Variants in PCSK6 observed in about 807,000 individuals in gnomAD.
The protein encoded by PCSK6 is proprotein convertase subtilisin/kexin type 6.
PCSK6 carries 85 observed loss-of-function variants against 123.3 expected under a neutral mutation model. That is an observed-to-expected ratio of 0.69 (90% CI 0.58 to 0.83). The LOEUF is 0.83. PCSK6 is among the 40% of genes least tolerant of loss of function. The pLI is 0.00. For synonymous variants in PCSK6, 508 were observed against 516.0 expected (o/e 0.98, Z 0.21); for missense variants, 1,191 against 1,282.3 (o/e 0.93, Z 1.09).
chr15:101,482,357 G>A (rs2057909604), intron 1 of PCSK6, among the ~76,000 whole-genome samples: 1 of 152,194 alleles, frequency 6.6e-6, no homozygotes, highest in African/African-American at 2.4e-5. Context: ...TCTGGTCGGT[G>A]GCAAGGCCAA....
intron 13 of PCSK6, among the ~76,000 whole-genome samples, chr15:101,338,028 G>A (rs1050762116): frequency 2.0e-5 from 3 of 152,140 alleles, no homozygotes; most frequent in Admixed American, 1.3e-4. Flanking sequence ...GATACAACAC[G>A]TTAATGTCTT....
intron 6 of PCSK6, among the ~76,000 whole-genome samples, chr15:101,426,384 G>A (rs958329303): frequency 6.6e-6 from 1 of 152,304 alleles, no homozygotes; most frequent in Non-Finnish European, 1.5e-5. Context: ...CTGGCACCCA[G>A]GTTGGCCCGA....
At chr15:101,313,204 G>A (rs1029974274) in intron 20 of PCSK6, 172 bp downstream of exon 20, 8 of 1,530,432 alleles carry the variant, frequency 5.2e-6, no homozygotes, top group Non-Finnish European at 6.2e-6. Context: ...TATGCATCCA[G>A]TGAACAAAGG....
At chr15:101,346,354 A>T (rs1341388457) in intron 13 of PCSK6, 1 of 152,500 alleles carries the variant, frequency 6.6e-6, no homozygotes, top group East Asian at 1.9e-4. Context: ...TTGGTGAAGT[A>T]TTATAAAAAT....
intron 2 of PCSK6, among the ~76,000 whole-genome samples, chr15:101,437,712 C>T (rs1441356079): frequency 6.6e-6 from 1 of 152,130 alleles, no homozygotes; most frequent in Non-Finnish European, 1.5e-5. Context: ...AGTAAAGCTA[C>T]TCATTTGTAA....
At chr15:101,313,595 G>A in intron 19 of PCSK6, 90 bp from the exon 20 acceptor site, 1 of 1,508,992 alleles carries the variant, frequency 6.6e-7, no homozygotes. Flanking sequence ...GAGATCAGGG[G>A]TACCATTCAG....
intron 13 of PCSK6, among the ~76,000 whole-genome samples, chr15:101,348,380 A>G (rs2040798813): frequency 6.6e-6 from 1 of 152,262 alleles, no homozygotes; most frequent in African/African-American, 2.4e-5. Context: ...TTTGCGGAGT[A>G]AAACGTCATC....
intron 5 of PCSK6, 45 bp downstream of exon 5, chr15:101,429,942 C>A: frequency 6.8e-7 from 1 of 1,472,768 alleles, no homozygotes; most frequent in South Asian, 1.1e-5. Flanking sequence ...AGTGACGCTG[C>A]AGGGAGGGGA....
chr15:101,326,153 C>A (rs895874107), intron 16 of PCSK6, among the ~76,000 whole-genome samples: 5 of 152,258 alleles, frequency 3.3e-5, no homozygotes, highest in African/African-American at 1.2e-4. Context: ...CGGACGCCAA[C>A]GTGCAACAGC....
At chr15:101,371,138 T>C (rs6598455) in intron 11 of PCSK6, among the ~76,000 whole-genome samples, 28,615 of 151,838 alleles carry the variant, frequency 0.19, 4,362 homozygotes, top group East Asian at 0.55. Flanking sequence ...ACCCAGGAGG[T>C]GGAGGTTGCA....
chr15:101,427,540 C>CTGT (rs2056299653), intron 6 of PCSK6, among the ~76,000 whole-genome samples: 2 of 152,222 alleles, frequency 1.3e-5, no homozygotes, highest in Admixed American at 6.5e-5. Context: ...AGCTGTCACT[C>CTGT]TGTCTGGGAA....
intron 20 of PCSK6, chr15:101,307,620 A>C (rs1596160743): frequency 8.8e-6 from 3 of 339,178 alleles, no homozygotes; most frequent in Non-Finnish European, 1.1e-5. Flanking sequence ...TCACCTGGAC[A>C]CCCTCCTGGG....
At chr15:101,320,356 G>A in intron 18 of PCSK6, among the ~76,000 whole-genome samples, 1 of 152,238 alleles carries the variant, frequency 6.6e-6, no homozygotes, top group East Asian at 1.9e-4. Context: ...AAAGTGCTGG[G>A]ATTACAGGCG....
intron 1 of PCSK6, among the ~76,000 whole-genome samples, chr15:101,484,975 C>G (rs1307470547): frequency 6.6e-6 from 1 of 152,202 alleles, no homozygotes; most frequent in Non-Finnish European, 1.5e-5. Context: ...CAGGATATGT[C>G]TGGCTGTGGA....
At chr15:101,459,647 C>A (rs1284522264) in intron 1 of PCSK6, among the ~76,000 whole-genome samples, 1 of 149,762 alleles carries the variant, frequency 6.7e-6, no homozygotes, top group Non-Finnish European at 1.5e-5. Flanking sequence ...CTGCTGACAC[C>A]CTGAATCCTG....
intron 13 of PCSK6, chr15:101,347,732 C>A (rs1181970034): frequency 6.2e-7 from 1 of 1,613,790 alleles, no homozygotes; most frequent in African/African-American, 1.3e-5. Flanking sequence ...ATTACCAAAG[C>A]TCTTGTTCAA....
At chr15:101,448,688 T>C (rs2056955175) in intron 1 of PCSK6, among the ~76,000 whole-genome samples, 2 of 152,258 alleles carry the variant, frequency 1.3e-5, no homozygotes, top group Non-Finnish European at 2.9e-5. Context: ...GCAGTGAAAC[T>C]GTTCAAGATT....
chr15:101,451,743 G>A (rs1323839155), intron 1 of PCSK6, among the ~76,000 whole-genome samples: 3 of 152,302 alleles, frequency 2.0e-5, no homozygotes, highest in South Asian at 2.1e-4. Context: ...ATGGTCGTCC[G>A]AGTTCAGTTA....
At chr15:101,349,269 A>C (rs1029766244) in intron 13 of PCSK6, among the ~76,000 whole-genome samples, 5 of 152,244 alleles carry the variant, frequency 3.3e-5, no homozygotes, top group African/African-American at 1.2e-4. Context: ...GCTTTTGGTT[A>C]GCAAAGTTTT....
Sources: allele counts gnomAD v4.1 joint callset (sites outside exome capture counted in the v4.1 genomes callset), GRCh38; gene constraint gnomAD v4.1.1; transcripts MANE v1.5; gene names NCBI Gene and HGNC (gene_info 2026-07-23, HGNC 2026-07-21).